The following RBFOX1 variants were observed in gnomAD, a reference collection of about 807,000 sequenced individuals.
The protein encoded by RBFOX1 is RNA binding protein fox-1 homolog 1.
A neutral mutation model predicts 57.7 loss-of-function variants in RBFOX1; 8 were observed. That is an observed-to-expected ratio of 0.14 (90% confidence interval 0.08 to 0.25). RBFOX1 has a LOEUF of 0.25. Among genes scored for constraint, RBFOX1 ranks in the 10% least tolerant of loss-of-function variants. The pLI, the probability that RBFOX1 is intolerant of heterozygous loss-of-function variation, is 1.00. For missense variants in RBFOX1, 611 were observed against 548.5 expected (o/e 1.11, Z -1.14); for synonymous variants, 326 against 222.4 (o/e 1.47, Z -4.15).
At position 6,940,844 on chromosome 16, in the gene RBFOX1, G is replaced by C. The variant is rs111806821; in HGVS notation, c.-15-111213G>C. Reference sequence around the variant, plus strand: ...AGTACAGGCGCCTGCCACCATGTCCGGCTAGTCTGTGTGTGTGTGTGTGTG... The same window carrying C: ...AGTACAGGCGCCTGCCACCATGTCCCGCTAGTCTGTGTGTGTGTGTGTGTG... On this transcript the variant is annotated intron_variant, in intron 3 of 15. Transcript: ENST00000550418. Among the ~76,000 whole-genome samples the C allele has an allele frequency of 5.6e-4, 51 of 90,340 alleles. 3 individuals carry two copies. Among genetic ancestry groups the C allele is most frequent in the Non-Finnish European group, 8.0e-4 (40 of 50,118 alleles). 59.3% of individuals were successfully genotyped at this position (90,340 alleles called of 152,430 possible). A position where few individuals can be genotyped will look rare whatever the true frequency, so the allele number is the denominator to read the frequency against.
In RBFOX1 at chr16:5,859,305, G is replaced by A. The variant is rs553180812; in HGVS notation, c.319-7998G>A. On this transcript the variant is annotated intron_variant, in intron 3 of 19. Transcript: ENST00000641259. ...CATAATATCAGATGTTAGGACTTCT[G>A]CTACTGTTACAGTGATTACCTTGAA... 2.0e-5 allele frequency among the ~76,000 whole-genome samples: 3 copies of A among 152,286 alleles called. No individual in the cohort carries two copies. In the East Asian group the frequency reaches 5.8e-4, roughly 29 times the overall value.
At chr16:6,188,110 T>C (rs992198437) in intron 1 of RBFOX1, among the ~76,000 whole-genome samples, 22 of 152,260 alleles carry the variant, frequency 1.4e-4, no homozygotes, top group Non-Finnish European at 2.4e-4. Flanking sequence ...AAGTTTTCCC[T>C]CTATATTTGT....
chr16:5,726,813 C>T (rs1249750853), intron 3 of RBFOX1, among the ~76,000 whole-genome samples: 1 of 152,198 alleles, frequency 6.6e-6, no homozygotes, highest in African/African-American at 2.4e-5. Flanking sequence ...CCCCTTTACA[C>T]ATTGAATCTT....
intron 11 of RBFOX1, among the ~76,000 whole-genome samples, chr16:7,638,762 G>T (rs749241199): frequency 1.3e-5 from 2 of 152,248 alleles, no homozygotes; most frequent in Non-Finnish European, 2.9e-5. Flanking sequence ...TGAATGAATA[G>T]GCGTGACTGT....
At chr16:6,228,578 G>A (rs2097434579) in intron 1 of RBFOX1, among the ~76,000 whole-genome samples, 1 of 152,114 alleles carries the variant, frequency 6.6e-6, no homozygotes, top group Non-Finnish European at 1.5e-5. Flanking sequence ...GACAAATGCT[G>A]CATTATCTAA....
At chr16:6,847,894 C>G (rs769619430) in intron 3 of RBFOX1, among the ~76,000 whole-genome samples, 5 of 152,094 alleles carry the variant, frequency 3.3e-5, no homozygotes, top group South Asian at 2.1e-4. Context: ...CTGGAGAGTA[C>G]TGGCACAATC....
At chr16:7,022,031 C>A (rs1249818477) in intron 3 of RBFOX1, among the ~76,000 whole-genome samples, 1 of 1,092 alleles carries the variant, frequency 9.2e-4, no homozygotes, top group Non-Finnish European at 1.6e-3. Flanking sequence ...CCCTCCCCTT[C>A]CCCTCCCCTT....
intron 1 of RBFOX1, among the ~76,000 whole-genome samples, chr16:6,178,667 C>T (rs2097034753): frequency 6.6e-6 from 1 of 152,094 alleles, no homozygotes; most frequent in Non-Finnish European, 1.5e-5. Flanking sequence ...ATCTTTGAGC[C>T]CGGATGATCC....
At chr16:7,382,135 T>A (rs924145881) in intron 4 of RBFOX1, among the ~76,000 whole-genome samples, 3 of 152,326 alleles carry the variant, frequency 2.0e-5, no homozygotes, top group Non-Finnish European at 4.4e-5. Context: ...GAGTAGGGAC[T>A]AATTACCTCT....
chr16:6,366,292 C>G (rs923593048), intron 2 of RBFOX1, among the ~76,000 whole-genome samples: 1 of 152,062 alleles, frequency 6.6e-6, no homozygotes, highest in African/African-American at 2.4e-5. Flanking sequence ...GACAGATGTT[C>G]TAAACTCACC....
chr16:7,328,573 G>T (rs545339954), intron 4 of RBFOX1: 10 of 151,176 alleles, frequency 6.6e-5, no homozygotes, highest in Non-Finnish European at 1.3e-4. Flanking sequence ...AGGAAAAGAG[G>T]AGTTAATACC....
At chr16:5,831,311 T>C (rs541517585) in intron 3 of RBFOX1, among the ~76,000 whole-genome samples, 1 of 152,128 alleles carries the variant, frequency 6.6e-6, no homozygotes, top group South Asian at 2.1e-4. Context: ...GTGTGGCACC[T>C]TCCCTGCCAT....
chr16:7,557,267 A>C (rs1410481771), intron 5 of RBFOX1, among the ~76,000 whole-genome samples: 1 of 152,080 alleles, frequency 6.6e-6, no homozygotes, highest in African/African-American at 2.4e-5. Flanking sequence ...TGCCAAAGAG[A>C]ATTGTAAAGC....
At chr16:5,708,305 G>C (rs937867233) in intron 3 of RBFOX1, among the ~76,000 whole-genome samples, 14 of 152,086 alleles carry the variant, frequency 9.2e-5, no homozygotes, top group African/African-American at 3.4e-4. Context: ...ACTGTCCTAG[G>C]TGTTAGAGAT....
intron 3 of RBFOX1, among the ~76,000 whole-genome samples, chr16:6,798,242 C>A (rs570386833): frequency 1.3e-5 from 2 of 152,224 alleles, no homozygotes; most frequent in East Asian, 3.9e-4. Context: ...ATACTAGTCC[C>A]AGAGAAGAGT....
chr16:7,274,796 T>G (rs1044073994), intron 4 of RBFOX1, among the ~76,000 whole-genome samples: 1 of 152,096 alleles, frequency 6.6e-6, no homozygotes, highest in Admixed American at 6.6e-5. Flanking sequence ...GTGATTCTCA[T>G]GGCTCAGCCT....
rs190859126 is a variant in RBFOX1, at chr16:7,660,114, G to A, written c.891-4815G>A. ...GTGGCTGGTATATATCATATTACAC[G>A]AGCAGATTGTATAGTTTGGGCATTT... On this transcript the variant is annotated intron_variant, in intron 12 of 15. Transcript: ENST00000550418. Among the ~76,000 whole-genome samples the A allele has an allele frequency of 2.4e-4, 36 of 152,188 alleles. 1 individual carries two copies. The Middle Eastern group carries it at 0.014, about 58-fold the overall frequency.
rs754486769 is a variant in RBFOX1 at position 6,846,631 on chromosome 16, T to C, written c.-16+191981T>C. Among the ~76,000 whole-genome samples the C allele has an allele frequency of 2.0e-5, 3 of 152,280 alleles. No individual in the cohort carries two copies. The South Asian group carries it at 6.2e-4, about 32-fold the overall frequency. Reference sequence around the variant, plus strand: ...ACCTTTGCCCCTATGAATCATGTATTGGGAAAACAGTTGAGCATCTACAGA... The same window carrying C: ...ACCTTTGCCCCTATGAATCATGTATCGGGAAAACAGTTGAGCATCTACAGA... On this transcript the variant is annotated intron_variant, in intron 3 of 15. Transcript: ENST00000550418.
At chr16:5,618,329 A>AT (rs71142632) in intron 3 of RBFOX1, among the ~76,000 whole-genome samples, 5 of 149,732 alleles carry the variant, frequency 3.3e-5, no homozygotes, top group African/African-American at 1.2e-4. Context: ...ATGGCTGCAG[A>AT]TTTTTTTTTT....
Sources: allele counts gnomAD v4.1 joint callset (sites outside exome capture counted in the v4.1 genomes callset), GRCh38; gene constraint gnomAD v4.1.1; transcripts MANE v1.5; gene names NCBI Gene and HGNC (gene_info 2026-07-23, HGNC 2026-07-21).